NFATC3: variants seen among roughly 807,000 people sequenced by gnomAD.
NFATC3 encodes nuclear factor of activated T-cells, cytoplasmic 3.
A neutral mutation model predicts 98.6 loss-of-function variants in NFATC3; 46 were observed. The ratio of observed to expected loss-of-function variants is 0.47; its 90% confidence interval spans 0.37 to 0.60. The LOEUF (loss-of-function observed/expected upper bound fraction) is 0.60. NFATC3 is among the 20% of genes least tolerant of loss of function. The probability of loss-of-function intolerance (pLI) is 0.00; values close to 1 mark genes in which losing one functional copy is unlikely to be tolerated. For missense variants in NFATC3, 1,256 were observed against 1,295.5 expected, an observed-to-expected ratio of 0.97 and a Z score of 0.47; for synonymous variants, 512 against 472.2, an observed-to-expected ratio of 1.08 and a Z score of -1.09.
At chr16:68,165,922 G>A (rs1474869012) in intron 4 of NFATC3, among the ~76,000 whole-genome samples, 1 of 152,174 alleles carries the variant, frequency 6.6e-6, no homozygotes, top group African/African-American at 2.4e-5. Context: ...TGTAGCTTCT[G>A]TTGTTTCCTG....
intron 5 of NFATC3, among the ~76,000 whole-genome samples, chr16:68,168,633 G>T (rs960526909): frequency 6.6e-6 from 1 of 152,020 alleles, no homozygotes; most frequent in African/African-American, 2.4e-5. Flanking sequence ...TTATAGGCGT[G>T]TGCCACCACA....
chr16:68,172,167 A>C (rs2039498801), intron 5 of NFATC3, among the ~76,000 whole-genome samples: 1 of 152,116 alleles, frequency 6.6e-6, no homozygotes, highest in South Asian at 2.1e-4. Context: ...ATTGATTATA[A>C]TACTCTCTTT....
chr16:68,195,574 T>C (rs2040628821), intron 9 of NFATC3, among the ~76,000 whole-genome samples: 1 of 151,968 alleles, frequency 6.6e-6, no homozygotes, highest in Admixed American at 6.6e-5. Flanking sequence ...TTTGGGAGGC[T>C]GAGGTGGGCG....
intron 4 of NFATC3, 131 bp from the exon 5 acceptor site, chr16:68,166,712 A>G (rs1299359860): frequency 2.9e-6 from 2 of 685,186 alleles, no homozygotes; most frequent in Admixed American, 3.0e-5. Context: ...AATAGCAATC[A>G]TACATATCTT....
At chr16:68,211,288 C>T (rs867637812) in intron 9 of NFATC3, among the ~76,000 whole-genome samples, 1 of 150,636 alleles carries the variant, frequency 6.6e-6, no homozygotes, top group African/African-American at 2.4e-5. Flanking sequence ...CCCGGGTTCA[C>T]GCCATTCTCC....
Position 68,174,428 on chromosome 16 carries a change from G to T in NFATC3, c.1829G>T (p.Cys610Phe). The T allele has an allele frequency of 2.5e-6, 4 of 1,604,366 alleles. No individual in the cohort carries two copies. The highest frequency in any genetic ancestry group is 3.4e-6 in the Non-Finnish European group (4 of 1,175,134). Residue 610 changes from cysteine to phenylalanine, a missense_variant, in exon 6 of 10, where the codon TGT (cysteine) becomes TTT (phenylalanine). Around this residue, in one of 3 missense-constraint regions of NFATC3, gnomAD observed 636 missense variants for 617.3 expected, o/e 1.03. Coordinates refer to ENST00000346183, the MANE Select transcript of NFATC3 (RefSeq NM_173165.3). ...ATTGAGAAGTACAGTATCAACAGTTGTTCTGTAAATGGAGGTCATGAAATG... is the reference window on the plus strand; with the variant it reads ...ATTGAGAAGTACAGTATCAACAGTTTTTCTGTAAATGGAGGTCATGAAATG... ...PHIEKYSINSCSVNGGHEMVV... is the reference protein window; with the variant it reads ...PHIEKYSINSFSVNGGHEMVV...
chr16:68,114,560 G>A (rs1291234523), intron 1 of NFATC3, among the ~76,000 whole-genome samples: 1 of 151,536 alleles, frequency 6.6e-6, no homozygotes, highest in East Asian at 1.9e-4. Context: ...AGCACATCAA[G>A]GGCCAAGGAA....
chr16:68,161,310 A>G (rs1365485276), intron 4 of NFATC3, among the ~76,000 whole-genome samples: 1 of 152,228 alleles, frequency 6.6e-6, no homozygotes, highest in Non-Finnish European at 1.5e-5. Flanking sequence ...GATAGTTTGC[A>G]GGCCATGTTT....
chr16:68,128,830 AG>A (rs1287150950), intron 3 of NFATC3, among the ~76,000 whole-genome samples: 2 of 152,054 alleles, frequency 1.3e-5, no homozygotes, highest in Admixed American at 1.3e-4. Context: ...AAACAAAAGC[AG>A]AACTGGTGCT....
At chr16:68,095,195 A>T (rs2034947988) in intron 1 of NFATC3, among the ~76,000 whole-genome samples, 1 of 149,342 alleles carries the variant, frequency 6.7e-6, no homozygotes. Context: ...TGAGGGACTT[A>T]AAAAAAATTT....
At chr16:68,211,251 G>A (rs1402058093) in intron 9 of NFATC3, among the ~76,000 whole-genome samples, 2 of 151,934 alleles carry the variant, frequency 1.3e-5, no homozygotes, top group African/African-American at 4.8e-5. Flanking sequence ...GCAGTGGCGC[G>A]ATCTCAGCTC....
At chr16:68,198,087 A>G (rs895575274) in intron 9 of NFATC3, among the ~76,000 whole-genome samples, 3 of 152,344 alleles carry the variant, frequency 2.0e-5, no homozygotes, top group Admixed American at 2.0e-4. Context: ...TGGGAGGCCC[A>G]GGCAGGCAGA....
intron 9 of NFATC3, among the ~76,000 whole-genome samples, chr16:68,222,289 C>CCAAA (rs1372339245): frequency 1.9e-4 from 5 of 26,404 alleles, no homozygotes; most frequent in African/African-American, 4.7e-4. Flanking sequence ...ACCCCATTGC[C>CCAAA]AAAAAAAAAA....
At chr16:68,187,555 G>A (rs925444887) in intron 8 of NFATC3, among the ~76,000 whole-genome samples, 3 of 151,994 alleles carry the variant, frequency 2.0e-5, no homozygotes, top group Non-Finnish European at 4.4e-5. Flanking sequence ...CTGCAGCCAG[G>A]GTGTCCCAAG....
chr16:68,217,903 T>C, intron 9 of NFATC3: 1 of 1,226,330 alleles, frequency 8.2e-7, no homozygotes, highest in Non-Finnish European at 1.0e-6. Context: ...GGAAATATAC[T>C]CTGTAGCTGG....
intron 1 of NFATC3, among the ~76,000 whole-genome samples, chr16:68,101,860 CT>C (rs2035383791): frequency 6.6e-6 from 1 of 152,072 alleles, no homozygotes; most frequent in Admixed American, 6.6e-5. Context: ...TTCTTGGAGA[CT>C]TTCCTTTCTC....
chr16:68,115,691 C>T (rs1474430983), intron 1 of NFATC3, among the ~76,000 whole-genome samples: 1 of 152,074 alleles, frequency 6.6e-6, no homozygotes, highest in Non-Finnish European at 1.5e-5. Context: ...TCCCAAAGTG[C>T]TGGAATTACA....
intron 5 of NFATC3, among the ~76,000 whole-genome samples, chr16:68,170,238 A>T (rs1040793534): frequency 3.3e-5 from 5 of 151,652 alleles, no homozygotes; most frequent in Non-Finnish European, 7.4e-5. Context: ...TAAAAATACA[A>T]AAATTAGATG....
intron 5 of NFATC3, among the ~76,000 whole-genome samples, chr16:68,169,362 A>G (rs1249430394): frequency 6.6e-6 from 1 of 151,478 alleles, no homozygotes; most frequent in Non-Finnish European, 1.5e-5. Context: ...TCCGCCTCCC[A>G]GGCTTAAGCA....
Sources: allele counts gnomAD v4.1 joint callset (sites outside exome capture counted in the v4.1 genomes callset), GRCh38; gene constraint gnomAD v4.1.1; regional missense constraint gnomAD v4.1.1; transcripts MANE v1.5; gene names NCBI Gene and HGNC (gene_info 2026-07-23, HGNC 2026-07-21).